Variants in KIF1B observed in about 807,000 individuals in gnomAD.
The protein encoded by KIF1B is kinesin-like protein KIF1B.
KIF1B carries 76 observed loss-of-function variants against 241.9 expected under a neutral mutation model. That is an observed-to-expected ratio of 0.31 (90% CI 0.26 to 0.38). The LOEUF (loss-of-function observed/expected upper bound fraction) is 0.38. KIF1B is among the 10% of genes least tolerant of loss of function. The probability of loss-of-function intolerance (pLI) is 1.00; values close to 1 mark genes in which losing one functional copy is unlikely to be tolerated. For synonymous variants in KIF1B, 750 were observed against 796.7 expected, an observed-to-expected ratio of 0.94 and a Z score of 0.99; for missense variants, 1,622 against 2,271.4, an observed-to-expected ratio of 0.71 and a Z score of 5.81.
chr1:10,247,379 TCTACCA>T (rs147458862), intron 2 of KIF1B, among the ~76,000 whole-genome samples: 2,840 of 152,348 alleles, frequency 0.019, 39 homozygotes, highest in Non-Finnish European at 0.028. Flanking sequence ...AATAGCCACT[TCTACCA>T]CTTTCACTGT....
intron 2 of KIF1B, among the ~76,000 whole-genome samples, chr1:10,237,219 A>C (rs1647068873): frequency 6.6e-6 from 1 of 152,196 alleles, no homozygotes; most frequent in South Asian, 2.1e-4. Flanking sequence ...TCTGTTCAAT[A>C]ATATCCCATT....
chr1:10,309,599 T>C (rs1299779377), intron 22 of KIF1B, among the ~76,000 whole-genome samples: 2 of 151,564 alleles, frequency 1.3e-5, no homozygotes, highest in Non-Finnish European at 2.9e-5. Flanking sequence ...AATGGTGATA[T>C]TGATTTTACT....
At chr1:10,333,832 A>T (rs1337719019) in intron 27 of KIF1B, among the ~76,000 whole-genome samples, 1 of 151,974 alleles carries the variant, frequency 6.6e-6, no homozygotes, top group Admixed American at 6.6e-5. Flanking sequence ...AAATGAAACA[A>T]AACCTCTTTA....
intron 40 of KIF1B, 136 bp downstream of exon 40, chr1:10,361,961 T>G: frequency 1.1e-6 from 1 of 932,704 alleles, no homozygotes; most frequent in Admixed American, 1.8e-5. Flanking sequence ...ACACCTGGAA[T>G]GTACTGACTT....
chr1:10,309,066 A>G (rs1228298104), intron 22 of KIF1B, among the ~76,000 whole-genome samples: 1 of 152,160 alleles, frequency 6.6e-6, no homozygotes, highest in Non-Finnish European at 1.5e-5. Context: ...CACCCAGAGT[A>G]TTGATGGTAC....
At chr1:10,348,792 T>TC (rs200317444) in intron 37 of KIF1B, 59 bp downstream of exon 37, 31,215 of 1,304,880 alleles carry the variant, frequency 0.024, 208 homozygotes, top group Non-Finnish European at 0.029. Context: ...TTTTTTTTTT[T>TC]TGAGATAGGG....
chr1:10,274,025 C>T (rs1256388941), intron 10 of KIF1B, among the ~76,000 whole-genome samples: 1 of 151,018 alleles, frequency 6.6e-6, no homozygotes, highest in East Asian at 1.9e-4. Flanking sequence ...CAACCTCCAC[C>T]TTCTGGGTTC....
At chr1:10,359,245 C>T (rs1450514148) in intron 38 of KIF1B, among the ~76,000 whole-genome samples, 2 of 152,136 alleles carry the variant, frequency 1.3e-5, no homozygotes, top group African/African-American at 4.8e-5. Flanking sequence ...ATAGTGAGGT[C>T]ACTATTTGAA....
chr1:10,363,292 C>A lies in KIF1B; in HGVS notation c.4314C>A (p.Val1438=), dbSNP rs1638474041. The change falls in exon 41 of 49, where the codon GTC becomes GTA. Residue 1438 remains valine (V), a synonymous_variant. Transcript: ENST00000676179. The part of the protein sequence containing the change: ...GYSKSPDSNR[V]TGIYELSLCK... Reference sequence around the variant, plus strand: ...TATTTTCTTCAAATAGGAATCGAGTCACTGGCATTTACGAACTCAGCTTAT... The same window carrying A: ...TATTTTCTTCAAATAGGAATCGAGTAACTGGCATTTACGAACTCAGCTTAT... 6 of 1,612,870 alleles carry A rather than the reference C, an allele frequency of 3.7e-6. No homozygotes were observed. Among genetic ancestry groups the A allele is most frequent in the Non-Finnish European group, 4.2e-6 (5 of 1,178,882 alleles).
At chr1:10,252,708 G>A (rs1647531890) in intron 2 of KIF1B, among the ~76,000 whole-genome samples, 1 of 147,084 alleles carries the variant, frequency 6.8e-6, no homozygotes, top group African/African-American at 2.5e-5. Flanking sequence ...CACCGAGCCA[G>A]GTCATAAAGA....
At chr1:10,306,405 A>C in intron 22 of KIF1B, 1 of 1,019,724 alleles carries the variant, frequency 9.8e-7, no homozygotes, top group Non-Finnish European at 1.2e-6. Context: ...CTTTAGACAT[A>C]AATGTGCTAA....
intron 40 of KIF1B, 104 bp from the exon 41 acceptor site, chr1:10,363,179 T>C: frequency 4.9e-6 from 4 of 820,806 alleles, no homozygotes; most frequent in South Asian, 1.5e-5. Context: ...TGGAATTATA[T>C]TTGAGTCCCT....
chr1:10,334,391 C>G lies in KIF1B; in HGVS notation c.2925-129C>G, dbSNP rs1652082515. The G allele has an allele frequency of 5.1e-6, 4 of 786,086 alleles. 1 individual carries two copies. The highest frequency in any genetic ancestry group is 4.6e-6 in the Non-Finnish European group (2 of 435,576). 48.7% of individuals were successfully genotyped at this position (786,086 alleles called of 1,614,324 possible). On this transcript the variant is annotated intron_variant, in intron 27 of 48. Coordinates refer to ENST00000676179, the MANE Select transcript of KIF1B (RefSeq NM_001365951.3). ...TGGAGGCAAATCTGAGAGGCTAGGACTGAGAAGGGGTCTTAAGACAAGGCC... is the reference window on the plus strand; with the variant it reads ...TGGAGGCAAATCTGAGAGGCTAGGAGTGAGAAGGGGTCTTAAGACAAGGCC...
chr1:10,327,501 C>CAAAA (rs570948893), intron 27 of KIF1B, among the ~76,000 whole-genome samples: 7 of 73,950 alleles, frequency 9.5e-5, no homozygotes, highest in African/African-American at 2.9e-4. Context: ...AACTCCGTCT[C>CAAAA]AAAAAAAAAA....
chr1:10,318,740 C>A (rs1235837947), intron 22 of KIF1B, among the ~76,000 whole-genome samples: 2 of 151,924 alleles, frequency 1.3e-5, no homozygotes, highest in Non-Finnish European at 2.9e-5. Flanking sequence ...AGGAGGAAAC[C>A]CTGGCAGTAA....
At position 10,326,993 on chromosome 1, in the gene KIF1B, T is replaced by G. The variant is rs1269967412; in HGVS notation, c.2924+634T>G. ...ACGGATCTTTGGCATCTGCTAAAAT[T>G]TTAACCTATAGGGTTTATAATGATA... On this transcript the variant is annotated intron_variant, in intron 27 of 48. Coordinates refer to ENST00000676179, the MANE Select transcript of KIF1B (RefSeq NM_001365951.3). The surrounding 1 kb of genome is among the most constrained non-coding windows in gnomAD (Gnocchi z 5.2). Among the ~76,000 whole-genome samples, 1 of 152,196 alleles carries G rather than the reference T, an allele frequency of 6.6e-6. No individual in the cohort carries two copies. The highest frequency in any genetic ancestry group is 1.5e-5 in the Non-Finnish European group (1 of 68,036).
chr1:10,272,150 C>T, intron 8 of KIF1B, 91 bp from the exon 9 acceptor site: 2 of 867,016 alleles, frequency 2.3e-6, no homozygotes, highest in African/African-American at 1.7e-5. Context: ...AAGAAATATG[C>T]TAGCATATGG....
At chr1:10,353,760 G>A (rs1652880859) in intron 38 of KIF1B, among the ~76,000 whole-genome samples, 1 of 152,158 alleles carries the variant, frequency 6.6e-6, no homozygotes, top group Non-Finnish European at 1.5e-5. Flanking sequence ...TTGCTGGCAG[G>A]GGCTGTGGAG....
At position 10,379,094 on chromosome 1, in the gene KIF1B, T is replaced by C. The variant is rs1052616435; in HGVS notation, c.*2507T>C. 5 of 231,470 alleles carry C rather than the reference T, an allele frequency of 2.2e-5. No homozygotes were observed. Among genetic ancestry groups the C allele is most frequent in the Admixed American group, 1.7e-4 (3 of 17,682 alleles). The allele number at this position is 231,470 out of a possible 1,614,324, so 14.3% of individuals were successfully genotyped here. A position where few individuals can be genotyped will look rare whatever the true frequency, so the allele number is the denominator to read the frequency against. On this transcript the variant is annotated 3_prime_UTR_variant, in exon 49 of 49. Coordinates refer to ENST00000676179, the MANE Select transcript of KIF1B (RefSeq NM_001365951.3). ...AAATCTAATTTCAGGGAAATGAAGA[T>C]GGAATTTGAAGGTCACTTTTAAAAT... is the stretch of plus-strand genomic sequence containing the variant.
Sources: gnomAD v4.1 joint callset for allele counts (sites outside exome capture counted in the v4.1 genomes callset) on GRCh38, gnomAD v4.1.1 for gene constraint, Gnocchi (gnomAD v3.1) non-coding constraint, MANE v1.5 for transcripts, NCBI Gene and HGNC (gene_info 2026-07-23, HGNC 2026-07-21) for gene names.